Variants in BET1 observed in about 807,000 individuals in gnomAD.
BET1 encodes Bet1 golgi vesicular membrane trafficking protein, also known as BET1 homolog.
In BET1, 9 loss-of-function variants were observed where a neutral mutation model predicts 13.9. The ratio of observed to expected loss-of-function variants is 0.65; its 90% CI spans 0.39 to 1.13. The LOEUF is 1.13. Among genes scored for constraint, BET1 ranks in the 50% most tolerant of loss-of-function variants. The probability of loss-of-function intolerance (pLI) is 0.01; values close to 1 mark genes in which losing one functional copy is unlikely to be tolerated. For synonymous variants in BET1, 39 were observed against 47.3 expected, an observed-to-expected ratio of 0.82 and a Z score of 0.72; for missense variants, 127 against 133.6, an observed-to-expected ratio of 0.95 and a Z score of 0.24.
At chr7:93,998,568 G>A (rs1268318987) in intron 2 of BET1, among the ~76,000 whole-genome samples, 10 of 152,138 alleles carry the variant, frequency 6.6e-5, no homozygotes, top group African/African-American at 1.7e-4. Context: ...GTGTGGTGGC[G>A]GGCACCTGCA....
downstream of BET1, chr7:93,991,906 C>T (rs2116104095): frequency 1.0e-6 from 1 of 979,034 alleles, no homozygotes; most frequent in Non-Finnish European, 1.2e-6. Flanking sequence ...TTCAATATAT[C>T]TAACTTGAAA....
intron 1 of BET1, among the ~76,000 whole-genome samples, chr7:94,003,616 A>C (rs1410240169): frequency 6.6e-6 from 1 of 152,220 alleles, no homozygotes; most frequent in African/African-American, 2.4e-5. Context: ...TCAAATGTTA[A>C]GTCGCCAAAC....
At chr7:93,972,558 G>A (rs1048133912) in intron 6 of BET1, 8 of 151,674 alleles carry the variant, frequency 5.3e-5, no homozygotes, top group African/African-American at 1.7e-4. Flanking sequence ...AGCTCTTTCC[G>A]CCCCATTTCT....
chr7:93,978,588 CAT>C (rs913693838), intron 4 of BET1, among the ~76,000 whole-genome samples: 16 of 152,112 alleles, frequency 1.1e-4, no homozygotes, highest in Admixed American at 8.5e-4. Flanking sequence ...TGACTATTTT[CAT>C]ATGCTTCCTT....
rs1054639388 is a variant in BET1, at chr7:93,998,075, A to C, written c.144+1095T>G. Among the ~76,000 whole-genome samples, 5 of 152,118 alleles carry C rather than the reference A, an allele frequency of 3.3e-5. No homozygotes were observed. In the South Asian group the frequency reaches 8.3e-4, roughly 25 times the overall value. On this transcript the variant is annotated intron_variant, in intron 2 of 3. Coordinates refer to ENST00000222547, the MANE Select transcript of BET1 (RefSeq NM_005868.6). The stretch of plus-strand genomic sequence containing the variant: ...AAGTGGAGGCTTAAGGCAAAGGGAT[A>C]GTGTGATATGGGGGTGGGAAAGTGA...
intron 6 of BET1, among the ~76,000 whole-genome samples, chr7:93,969,242 G>T (rs1010081580): frequency 1.3e-5 from 2 of 151,740 alleles, no homozygotes; most frequent in Non-Finnish European, 3.0e-5. Flanking sequence ...CAGTTTTAAT[G>T]AAATTTCTGT....
chr7:94,002,399 T>C (rs1194309951), intron 1 of BET1, among the ~76,000 whole-genome samples: 1 of 147,210 alleles, frequency 6.8e-6, no homozygotes, highest in Non-Finnish European at 1.5e-5. Flanking sequence ...ATGTAAATTA[T>C]AGCAATAGTA....
At chr7:93,984,622 G>T (rs1327933836) in intron 4 of BET1, among the ~76,000 whole-genome samples, 2 of 152,054 alleles carry the variant, frequency 1.3e-5, no homozygotes, top group East Asian at 3.9e-4. Flanking sequence ...GCACTGATTA[G>T]CTTATCATTC....
exon 7 of BET1, chr7:93,965,480 T>G (rs1275528059): frequency 6.6e-6 from 1 of 152,084 alleles, no homozygotes. Context: ...AATCTATTTC[T>G]TCATCCATAA....
chr7:93,999,465 A>G (rs1367328531), intron 1 of BET1, among the ~76,000 whole-genome samples, 171 bp from the exon 2 acceptor site: 1 of 152,206 alleles, frequency 6.6e-6, no homozygotes, highest in Non-Finnish European at 1.5e-5. Context: ...GATCAGACCA[A>G]TTCTTTCCAT....
chr7:93,975,478 T>C (rs962662295), intron 5 of BET1, among the ~76,000 whole-genome samples: 4 of 152,130 alleles, frequency 2.6e-5, no homozygotes, highest in Non-Finnish European at 4.4e-5. Flanking sequence ...ATTTAGAAAA[T>C]GCATTACTAT....
intron 2 of BET1, 45 bp downstream of exon 2, chr7:93,999,125 G>T: frequency 7.3e-7 from 1 of 1,371,444 alleles, no homozygotes; most frequent in Non-Finnish European, 1.0e-6. Flanking sequence ...TATATGTATA[G>T]AAATATATGA....
intron 6 of BET1, among the ~76,000 whole-genome samples, chr7:93,972,076 T>C (rs1440377425): frequency 6.6e-6 from 1 of 151,878 alleles, no homozygotes; most frequent in African/African-American, 2.4e-5. Context: ...GAGAATAACA[T>C]TCGACATCAA....
intron 4 of BET1, among the ~76,000 whole-genome samples, chr7:93,979,239 G>A (rs144869604): frequency 4.2e-4 from 64 of 152,222 alleles, no homozygotes; most frequent in African/African-American, 1.3e-3. Flanking sequence ...ATAATAGGAA[G>A]GATTGTCTGG....
At chr7:93,968,993 A>C (rs1425906346) in intron 6 of BET1, among the ~76,000 whole-genome samples, 1 of 151,736 alleles carries the variant, frequency 6.6e-6, no homozygotes, top group African/African-American at 2.4e-5. Context: ...CAGTGACTTC[A>C]CTCTTCTGTG....
intron 4 of BET1, among the ~76,000 whole-genome samples, chr7:93,984,079 C>T (rs1214463018): frequency 2.6e-5 from 4 of 152,174 alleles, no homozygotes; most frequent in South Asian, 2.1e-4. Flanking sequence ...AGGCCATGCT[C>T]TTTCTGAGAG....
intron 2 of BET1, among the ~76,000 whole-genome samples, chr7:93,997,872 C>T (rs1296930347): frequency 2.0e-5 from 3 of 152,076 alleles, no homozygotes; most frequent in Non-Finnish European, 4.4e-5. Flanking sequence ...CTTTTACATA[C>T]AAATAATGCC....
chr7:93,980,928 A>C (rs2116065261), intron 4 of BET1, among the ~76,000 whole-genome samples: 1 of 152,298 alleles, frequency 6.6e-6, no homozygotes, highest in East Asian at 1.9e-4. Flanking sequence ...TGCAAAGCGA[A>C]AGTACACAAG....
chr7:93,996,376 T>A, intron 2 of BET1, 55 bp from the exon 3 acceptor site: 4 of 1,284,800 alleles, frequency 3.1e-6, no homozygotes, highest in East Asian at 2.7e-5. Context: ...TCAAGTGTTA[T>A]AAAGTAAAAA....
Sources: gnomAD v4.1 joint callset for allele counts (sites outside exome capture counted in the v4.1 genomes callset) on GRCh38, gnomAD v4.1.1 for gene constraint, MANE v1.5 for transcripts, NCBI Gene and HGNC (gene_info 2026-07-23, HGNC 2026-07-21) for gene names.